The following VTI1A variants were observed in gnomAD, a reference collection of about 807,000 sequenced individuals.
VTI1A encodes vesicle transport through interaction with t-SNAREs homolog 1A.
Under a neutral mutation model 34.9 loss-of-function variants are expected in VTI1A, and 22 were observed. The ratio of observed to expected loss-of-function variants is 0.63; its 90% CI spans 0.45 to 0.90. The LOEUF is 0.90. Ranked by LOEUF, VTI1A falls within the 40% of genes least tolerant of loss-of-function variation. The pLI is 0.00. For synonymous variants in VTI1A, 87 were observed against 97.3 expected (o/e 0.89, Z 0.62); for missense variants, 268 against 275.6 (o/e 0.97, Z 0.20).
chr10:112,810,998 A>T (rs993854877), intron 7 of VTI1A, among the ~76,000 whole-genome samples: 3 of 152,216 alleles, frequency 2.0e-5, no homozygotes, highest in Non-Finnish European at 4.4e-5. Context: ...TAGCTTCTGA[A>T]ATACATGAAA....
At chr10:112,459,471 T>C (rs1359008287) in intron 1 of VTI1A, among the ~76,000 whole-genome samples, 1 of 152,156 alleles carries the variant, frequency 6.6e-6, no homozygotes, top group Non-Finnish European at 1.5e-5. Flanking sequence ...GGCCAGAGGA[T>C]TGAGTTACTG....
At chr10:112,724,192 T>C (rs1849921268) in intron 7 of VTI1A, among the ~76,000 whole-genome samples, 2 of 152,180 alleles carry the variant, frequency 1.3e-5, no homozygotes, top group African/African-American at 4.8e-5. Flanking sequence ...GTATCAAGTA[T>C]GGTGTTATTG....
intron 3 of VTI1A, among the ~76,000 whole-genome samples, chr10:112,513,858 C>T (rs1290859695): frequency 6.6e-6 from 1 of 151,820 alleles, no homozygotes; most frequent in Non-Finnish European, 1.5e-5. Flanking sequence ...ATATATTGAA[C>T]CATCCTTGTA....
In VTI1A at chr10:112,669,011, T is replaced by A; in HGVS notation, c.560+13T>A. The A allele has an allele frequency of 1.9e-6, 3 of 1,611,560 alleles. No individual in the cohort carries two copies. Among genetic ancestry groups the A allele is most frequent in the Non-Finnish European group, 2.5e-6 (3 of 1,178,248 alleles). On this transcript the variant is annotated intron_variant, in intron 7 of 7. Transcript: ENST00000393077. ...GGATGTTGCGAAGGTAAGAGCAAGGTAGGGACATATCTTTCTCTCTGTGTG... is the reference window on the plus strand; with the variant it reads ...GGATGTTGCGAAGGTAAGAGCAAGGAAGGGACATATCTTTCTCTCTGTGTG...
intron 4 of VTI1A, among the ~76,000 whole-genome samples, chr10:112,530,485 T>C (rs1850378663): frequency 6.6e-6 from 1 of 152,116 alleles, no homozygotes; most frequent in Non-Finnish European, 1.5e-5. Flanking sequence ...CATAGTGAAG[T>C]GTGATAATGG....
At chr10:112,577,733 A>C (rs1589927447) in intron 5 of VTI1A, among the ~76,000 whole-genome samples, 1 of 152,238 alleles carries the variant, frequency 6.6e-6, no homozygotes, top group South Asian at 2.1e-4. Flanking sequence ...GAACTGGGAG[A>C]TGGACAAGCT....
intron 5 of VTI1A, among the ~76,000 whole-genome samples, chr10:112,583,606 C>T (rs1844036068): frequency 6.6e-6 from 1 of 152,112 alleles, no homozygotes; most frequent in Admixed American, 6.5e-5. Context: ...GGTAATGGCA[C>T]CTGTTAGAGG....
chr10:112,610,776 A>G (rs976616127), intron 5 of VTI1A, among the ~76,000 whole-genome samples: 8 of 151,900 alleles, frequency 5.3e-5, no homozygotes, highest in Non-Finnish European at 1.2e-4. Flanking sequence ...AAAACTAGCC[A>G]GGCGCGGTGG....
intron 5 of VTI1A, among the ~76,000 whole-genome samples, chr10:112,624,734 C>A (rs183119041): frequency 3.9e-5 from 6 of 152,100 alleles, no homozygotes; most frequent in Admixed American, 2.6e-4. Context: ...TGGCAGTTTC[C>A]GATATGTTTT....
intron 3 of VTI1A, among the ~76,000 whole-genome samples, chr10:112,514,218 C>G (rs1849701684): frequency 6.6e-6 from 1 of 151,780 alleles, no homozygotes; most frequent in Non-Finnish European, 1.5e-5. Context: ...ATTTTCTATT[C>G]CTTCCTACTT....
intron 5 of VTI1A, among the ~76,000 whole-genome samples, chr10:112,561,913 TCAA>T (rs1436931105): frequency 6.6e-6 from 1 of 152,194 alleles, no homozygotes; most frequent in African/African-American, 2.4e-5. Flanking sequence ...GCTTTTATCA[TCAA>T]CATTTCACTC....
intron 3 of VTI1A, among the ~76,000 whole-genome samples, chr10:112,514,317 T>C (rs1849704621): frequency 6.6e-6 from 1 of 151,924 alleles, no homozygotes; most frequent in Admixed American, 6.6e-5. Flanking sequence ...AGTAGTTTCT[T>C]ATGATCCTTT....
intron 3 of VTI1A, among the ~76,000 whole-genome samples, chr10:112,495,234 T>TG (rs1848973008): frequency 7.1e-6 from 1 of 140,928 alleles, no homozygotes; most frequent in East Asian, 2.2e-4. Context: ...TAAAAAAAAA[T>TG]TTTCTCCATA....
Position 112,447,256 on chromosome 10 carries a change from C to T in VTI1A, c.-118C>T. 9.2e-7 allele frequency: 1 copy of T among 1,089,002 alleles called. No individual in the cohort carries two copies. The highest frequency in any genetic ancestry group is 1.3e-6 in the Non-Finnish European group (1 of 757,952). The allele number at this position is 1,089,002 out of a possible 1,614,324, so 67.5% of individuals were successfully genotyped here. On this transcript the variant is annotated 5_prime_UTR_variant, in exon 1 of 8. Coordinates refer to ENST00000393077, the MANE Select transcript of VTI1A (RefSeq NM_145206.4). ...GCTGGGTTGAGAGCTGTCCCCGGTT[C>T]TCCGTTCTGCTCTCGGGGGCACCTT...
At chr10:112,797,612 A>G (rs1386007239) in intron 7 of VTI1A, among the ~76,000 whole-genome samples, 1 of 152,238 alleles carries the variant, frequency 6.6e-6, no homozygotes, top group African/African-American at 2.4e-5. Flanking sequence ...TCATATTCCA[A>G]GTATGATATG....
intron 7 of VTI1A, among the ~76,000 whole-genome samples, chr10:112,768,030 T>C (rs1425272186): frequency 1.3e-5 from 2 of 152,212 alleles, no homozygotes; most frequent in Non-Finnish European, 2.9e-5. Flanking sequence ...CCTCATGTGA[T>C]AGGTGACCTC....
intron 5 of VTI1A, among the ~76,000 whole-genome samples, chr10:112,547,927 C>CT (rs373282812): frequency 1.3e-4 from 19 of 151,968 alleles, no homozygotes; most frequent in Admixed American, 1.2e-3. Context: ...TATAAGCTTA[C>CT]TTTTTTTCTT....
At chr10:112,687,260 G>A (rs1848448331) in intron 7 of VTI1A, among the ~76,000 whole-genome samples, 1 of 100,688 alleles carries the variant, frequency 9.9e-6, no homozygotes, top group African/African-American at 4.8e-5. Context: ...TTGAGACGGA[G>A]TTTTGCTCTG....
intron 7 of VTI1A, among the ~76,000 whole-genome samples, chr10:112,687,035 C>T (rs756752273): frequency 3.3e-5 from 5 of 151,992 alleles, no homozygotes; most frequent in Non-Finnish European, 7.4e-5. Context: ...CCTGTTCCCT[C>T]AGCTCTGCTG....
Sources: gnomAD v4.1 joint callset for allele counts (sites outside exome capture counted in the v4.1 genomes callset) on GRCh38, gnomAD v4.1.1 for gene constraint, MANE v1.5 for transcripts, NCBI Gene and HGNC (gene_info 2026-07-23, HGNC 2026-07-21) for gene names.